The following CIMAP1D variants were observed in gnomAD, a reference collection of about 807,000 sequenced individuals.
CIMAP1D encodes the protein CIMAP1 family member D.
the CIMAP1D span, among the ~76,000 whole-genome samples, chr19:466,333 G>A: frequency 7.5e-6 from 1 of 133,252 alleles, no homozygotes; most frequent in Admixed American, 7.6e-5. Flanking sequence ...TTGGGTGGAG[G>A]GTGGATGGAT....
At chr19:490,019 GAAGAA>G in the CIMAP1D span, 1 of 398,600 alleles carries the variant, frequency 2.5e-6, no homozygotes, top group Non-Finnish European at 4.4e-6. Context: ...ACGATAGAAA[GAAGAA>G]AAGAAATGGG....
At chr19:485,173 G>A in the CIMAP1D span, among the ~76,000 whole-genome samples, 2 of 152,130 alleles carry the variant, frequency 1.3e-5, no homozygotes, top group Admixed American at 6.5e-5. Flanking sequence ...TTTATGGAGG[G>A]TCATTGCCGT....
the CIMAP1D span, chr19:463,864 G>C: frequency 6.2e-7 from 1 of 1,609,786 alleles, no homozygotes; most frequent in Admixed American, 1.7e-5. Context: ...CGGCCGGGCA[G>C]CCTGTGCCCC....
At chr19:473,799 C>T in the CIMAP1D span, among the ~76,000 whole-genome samples, 1 of 96,580 alleles carries the variant, frequency 1.0e-5, no homozygotes, top group East Asian at 3.0e-4. Context: ...GCCTGAGCCT[C>T]CCAGAGATAC....
the CIMAP1D span, among the ~76,000 whole-genome samples, chr19:468,774 G>A: frequency 2.6e-5 from 4 of 152,196 alleles, no homozygotes; most frequent in African/African-American, 9.7e-5. Context: ...AGTGAGCCAC[G>A]GGTGAGGGAG....
the CIMAP1D span, among the ~76,000 whole-genome samples, chr19:479,398 C>CTT: frequency 1.3e-5 from 1 of 78,910 alleles, no homozygotes; most frequent in Admixed American, 1.8e-4. Context: ...TTCTTTTTCT[C>CTT]TTTTTTTTTT....
the CIMAP1D span, among the ~76,000 whole-genome samples, chr19:491,407 G>A: frequency 6.6e-6 from 1 of 152,184 alleles, no homozygotes; most frequent in Admixed American, 6.5e-5. Context: ...TCGACGCGAC[G>A]CCGTGTGGCT....
chr19:474,145 T>C, the CIMAP1D span, among the ~76,000 whole-genome samples: 1 of 152,138 alleles, frequency 6.6e-6, no homozygotes, highest in African/African-American at 2.4e-5. Flanking sequence ...AGGACCTGGC[T>C]TGGGGCCTGA....
the CIMAP1D span, chr19:464,281 G>C: frequency 6.5e-7 from 1 of 1,540,984 alleles, no homozygotes. Flanking sequence ...CGGCAGCCCA[G>C]GGTGAAAGCC....
chr19:484,139 CTTTTTTT>C, the CIMAP1D span, among the ~76,000 whole-genome samples: 1 of 129,442 alleles, frequency 7.7e-6, no homozygotes, highest in South Asian at 2.5e-4. Context: ...TTTTCTTTTT[CTTTTTTT>C]TTTTTTTTTT....
At chr19:485,527 G>A in the CIMAP1D span, among the ~76,000 whole-genome samples, 80 of 152,350 alleles carry the variant, frequency 5.3e-4, no homozygotes, top group African/African-American at 1.7e-3. Flanking sequence ...AGGCTGGCGC[G>A]ATCACAGCTC....
the CIMAP1D span, among the ~76,000 whole-genome samples, chr19:485,340 C>T: frequency 6.6e-6 from 1 of 152,216 alleles, no homozygotes; most frequent in Non-Finnish European, 1.5e-5. Flanking sequence ...AGCCCCGTGG[C>T]GCCCTGGGCA....
chr19:488,895 G>A, the CIMAP1D span, among the ~76,000 whole-genome samples: 1 of 152,196 alleles, frequency 6.6e-6, no homozygotes, highest in Non-Finnish European at 1.5e-5. Flanking sequence ...GGGCAGCCGG[G>A]GCGCCCCGCA....
At chr19:469,848 G>C in the CIMAP1D span, among the ~76,000 whole-genome samples, 1 of 152,058 alleles carries the variant, frequency 6.6e-6, no homozygotes, top group African/African-American at 2.4e-5. Context: ...ACTGACCTTG[G>C]CCTCTACCCT....
At chr19:472,116 G>A in the CIMAP1D span, among the ~76,000 whole-genome samples, 1 of 152,318 alleles carries the variant, frequency 6.6e-6, no homozygotes, top group African/African-American at 2.4e-5. Flanking sequence ...CAGGCAGCAA[G>A]GAATTGCAAA....
the CIMAP1D span, among the ~76,000 whole-genome samples, chr19:484,258 A>C: frequency 6.7e-6 from 1 of 149,036 alleles, no homozygotes; most frequent in African/African-American, 2.5e-5. Context: ...CTGCTGCCTC[A>C]GCCTCCTGAG....
At chr19:478,161 C>G in the CIMAP1D span, among the ~76,000 whole-genome samples, 1 of 152,204 alleles carries the variant, frequency 6.6e-6, no homozygotes, top group Non-Finnish European at 1.5e-5. Flanking sequence ...GGAAAGGCCC[C>G]AACCTCCCTC....
At chr19:471,142 T>G in the CIMAP1D span, among the ~76,000 whole-genome samples, 1 of 152,264 alleles carries the variant, frequency 6.6e-6, no homozygotes, top group Non-Finnish European at 1.5e-5. Context: ...GTTTTTGTTT[T>G]TGTTTTCTTT....
the CIMAP1D span, among the ~76,000 whole-genome samples, chr19:480,758 GAACGATGATGGAA>G: frequency 6.8e-5 from 6 of 88,882 alleles, no homozygotes; most frequent in Non-Finnish European, 8.3e-5. Context: ...CGATGATGGA[GAACGATGATGGAA>G]AACGATGATG....
Sources: gnomAD v4.1 joint callset for allele counts (sites outside exome capture counted in the v4.1 genomes callset) on GRCh38, gnomAD v4.1.1 for gene constraint, MANE v1.5 for transcripts, NCBI Gene and HGNC (gene_info 2026-07-23, HGNC 2026-07-21) for gene names.